CLEC17A: variants seen among roughly 807,000 people sequenced by gnomAD.
CLEC17A encodes the protein C-type lectin domain family 17, member A.
CLEC17A carries 37 observed loss-of-function variants against 61.3 expected under a neutral mutation model. The ratio of observed to expected loss-of-function variants is 0.60; its 90% CI spans 0.46 to 0.79. CLEC17A has a LOEUF of 0.79. Among genes scored for constraint, CLEC17A ranks in the 30% least tolerant of loss-of-function variants. CLEC17A has a pLI of 0.00. For synonymous variants in CLEC17A, 168 were observed against 164.9 expected (o/e 1.02, Z -0.14); for missense variants, 418 against 464.7 (o/e 0.90, Z 0.92).
At chr19:14,606,908 A>C in intron 12 of CLEC17A, 85 bp from the exon 13 acceptor site, 1 of 585,778 alleles carries the variant, frequency 1.7e-6, no homozygotes, top group East Asian at 3.6e-5. Context: ...CCAAGCCCTA[A>C]ATATGTAGGA....
intron 12 of CLEC17A, among the ~76,000 whole-genome samples, chr19:14,604,967 A>G (rs2074818762): frequency 6.6e-6 from 1 of 152,166 alleles, no homozygotes; most frequent in South Asian, 2.1e-4. Flanking sequence ...AACAGCAACA[A>G]TAGCCAGAAT....
intron 12 of CLEC17A, 46 bp downstream of exon 12, chr19:14,600,228 G>A (rs1599559385): frequency 6.2e-7 from 1 of 1,601,084 alleles, no homozygotes; most frequent in East Asian, 2.2e-5. Flanking sequence ...GGGACAGCCT[G>A]CTTCTCTTCC....
In CLEC17A at chr19:14,583,214, G is replaced by A. The variant is rs562036769; in HGVS notation, c.43+11G>A. ...ACCCGGACCCACCAGGTAAGGCCCC[G>A]GCCAGGCTGGGGCTGGGGCCTAGGT... On this transcript the variant is annotated intron_variant, in intron 1 of 13. Transcript: ENST00000417570. 10 of 1,613,816 alleles carry A rather than the reference G, an allele frequency of 6.2e-6. No homozygotes were observed. The highest frequency in any genetic ancestry group is 8.5e-6 in the Non-Finnish European group (10 of 1,179,840).
At chr19:14,606,374 C>CAA (rs35346403) in intron 12 of CLEC17A, among the ~76,000 whole-genome samples, 10,275 of 94,478 alleles carry the variant, frequency 0.11, 549 homozygotes, top group East Asian at 0.22. Flanking sequence ...GACCCTGTCT[C>CAA]AAAAAAAAAA....
chr19:14,607,053 G>T lies in CLEC17A; in HGVS notation c.955G>T (p.Ala319Ser). The change falls in exon 13 of 14, where the codon GCC becomes TCC. Residue 319 changes from alanine (A) to serine (S), a missense_variant. Coordinates refer to ENST00000417570, the MANE Select transcript of CLEC17A (RefSeq NM_001204118.2). ...RVYWLGLNDR[A>S]QEGDWRWLDG... is the part of the protein sequence containing the mutation. Reference sequence around the variant, plus strand: ...GTACTGGCTGGGGCTGAATGACAGGGCCCAGGAAGGGGACTGGAGGTGGCT... The same window carrying T: ...GTACTGGCTGGGGCTGAATGACAGGTCCCAGGAAGGGGACTGGAGGTGGCT... 7.4e-7 allele frequency: 1 copy of T among 1,356,332 alleles called. No individual in the cohort carries two copies. The highest frequency in any genetic ancestry group is 9.6e-7 in the Non-Finnish European group (1 of 1,046,920). 84.0% of individuals were successfully genotyped at this position (1,356,332 alleles called of 1,614,324 possible).
chr19:14,583,465 G>A (rs1161005326), intron 2 of CLEC17A, 31 bp downstream of exon 2: 5 of 1,611,664 alleles, frequency 3.1e-6, no homozygotes, highest in Middle Eastern at 3.3e-4. Context: ...GTGACCTGGG[G>A]GAATACAGGG....
intron 12 of CLEC17A, 51 bp from the exon 13 acceptor site, chr19:14,606,942 C>T (rs746835682): frequency 2.9e-6 from 3 of 1,023,968 alleles, no homozygotes; most frequent in African/African-American, 1.7e-5. Context: ...AGGTCCTCAC[C>T]CTGAGGGTCA....
At chr19:14,585,319 G>C (rs561229399) in intron 2 of CLEC17A, among the ~76,000 whole-genome samples, 53 of 152,376 alleles carry the variant, frequency 3.5e-4, no homozygotes, top group African/African-American at 1.2e-3. Context: ...ACAGGCATGA[G>C]TCACTGTCTG....
At chr19:14,596,024 G>GGGATTGA (rs2074543602) in intron 8 of CLEC17A, among the ~76,000 whole-genome samples, 1 of 992 alleles carries the variant, frequency 1.0e-3, no homozygotes, top group Non-Finnish European at 3.4e-3. Context: ...GATGGTGTTG[G>GGGATTGA]TGATGACCAT....
rs1400336515 is a variant in CLEC17A, at chr19:14,611,853, A to G, written c.*1657A>G. 6.6e-6 allele frequency among the ~76,000 whole-genome samples: 1 copy of G among 152,010 alleles called. No homozygotes were observed. Among genetic ancestry groups the G allele is most frequent in the African/African-American group, 2.4e-5 (1 of 41,370 alleles). On this transcript the variant is annotated 3_prime_UTR_variant, in exon 14 of 14. Transcript: ENST00000417570. ...CCTATCTCTACTAAAAATACAAAAAAATTAGCTGGGCGTGGTGGCATGTGC... is the reference window on the plus strand; with the variant it reads ...CCTATCTCTACTAAAAATACAAAAAGATTAGCTGGGCGTGGTGGCATGTGC...
intron 3 of CLEC17A, among the ~76,000 whole-genome samples, chr19:14,589,307 GT>G (rs1234900840): frequency 7.8e-6 from 1 of 128,840 alleles, no homozygotes; most frequent in East Asian, 2.0e-4. Context: ...AACTGTTTTT[GT>G]TTTTTAAAAT....
intron 12 of CLEC17A, among the ~76,000 whole-genome samples, chr19:14,603,009 A>G (rs1247609394): frequency 6.6e-6 from 1 of 152,262 alleles, no homozygotes; most frequent in Non-Finnish European, 1.5e-5. Context: ...TACTGGGATT[A>G]CAGGCATAAG....
At position 14,610,082 on chromosome 19, in the gene CLEC17A, A is replaced by G. The variant is rs1253165539; in HGVS notation, c.1023A>G (p.Glu341=). Residue 341 remains glutamate (E), a synonymous_variant, in exon 14 of 14, where the codon GAA becomes GAG. Coordinates refer to ENST00000417570, the MANE Select transcript of CLEC17A (RefSeq NM_001204118.2). ...CATCCAGCTTCTGGGAGCCAGAGGA[A>G]CCCAATAACATCCACGATGAGGACT... ...PVTLSFWEPE[E]PNNIHDEDCA... 2.5e-6 allele frequency: 4 copies of G among 1,613,292 alleles called. No individual in the cohort carries two copies. In the South Asian group the frequency reaches 3.3e-5, roughly 13 times the overall value.
chr19:14,591,454 CT>C (rs373996376), intron 3 of CLEC17A, among the ~76,000 whole-genome samples: 3 of 139,964 alleles, frequency 2.1e-5, no homozygotes, highest in Non-Finnish European at 4.6e-5. Flanking sequence ...GCGCCTGGCC[CT>C]TTTTTTTGAG....
rs369870622 is a variant in CLEC17A at position 14,583,580 on chromosome 19, C to G, written c.121+146C>G. 2.4e-3 allele frequency: 3,551 copies of G among 1,505,702 alleles called. 115 individuals are homozygous for G. The South Asian group carries it at 0.041, about 17-fold the overall frequency. 93.3% of individuals were successfully genotyped at this position (1,505,702 alleles called of 1,614,324 possible). ...TGTGGAACCCACACCCTGCCCAGGA[C>G]GACCTGTCAGTCTGATGGCGGAGGT... is the stretch of plus-strand genomic sequence containing the variant. On this transcript the variant is annotated intron_variant, in intron 2 of 13. Coordinates refer to ENST00000417570, the MANE Select transcript of CLEC17A (RefSeq NM_001204118.2).
intron 2 of CLEC17A, chr19:14,584,068 C>CAAAAAAA (rs112884228): frequency 8.5e-6 from 1 of 117,338 alleles, no homozygotes; most frequent in Non-Finnish European, 1.6e-5. Flanking sequence ...CTATCTCTGC[C>CAAAAAAA]AAAAAAAAAA....
At position 14,584,083 on chromosome 19, in the gene CLEC17A, A is replaced by AAAAAAAG. The variant is rs1555742670; in HGVS notation, c.121+649_121+650insAAAAAAG. The AAAAAAAG allele has an allele frequency of 1.5e-3, 224 of 144,696 alleles. 13 individuals carry two copies. Among genetic ancestry groups the AAAAAAAG allele is most frequent in the African/African-American group, 5.2e-3 (189 of 36,460 alleles). 9.0% of individuals were successfully genotyped at this position (144,696 alleles called of 1,614,324 possible). On this transcript the variant is annotated intron_variant, in intron 2 of 13. Coordinates refer to ENST00000417570, the MANE Select transcript of CLEC17A (RefSeq NM_001204118.2). ...CTATCTCTGCCAAAAAAAAAAAAAA[A>AAAAAAAG]TAGAGGTTTGGGCCGTGTGTGGTGG... is the stretch of plus-strand genomic sequence containing the variant.
intron 12 of CLEC17A, among the ~76,000 whole-genome samples, chr19:14,604,149 A>G (rs753135513): frequency 5.9e-5 from 9 of 152,146 alleles, no homozygotes; most frequent in Non-Finnish European, 1.2e-4. Context: ...TGGGACAGGA[A>G]GACCTTTCCG....
chr19:14,603,755 C>T (rs1045206282), intron 12 of CLEC17A, among the ~76,000 whole-genome samples: 19 of 152,182 alleles, frequency 1.2e-4, no homozygotes, highest in African/African-American at 3.1e-4. Context: ...AGTGAGCCAC[C>T]GTGCCCTAAC....
Sources: allele counts gnomAD v4.1 joint callset (sites outside exome capture counted in the v4.1 genomes callset), GRCh38; gene constraint gnomAD v4.1.1; transcripts MANE v1.5; gene names NCBI Gene and HGNC (gene_info 2026-07-23, HGNC 2026-07-21).